The following PCLO variants were observed in gnomAD, a reference collection of about 807,000 sequenced individuals.
The protein encoded by PCLO is protein piccolo.
PCLO carries 82 observed loss-of-function variants against 427.5 expected under a neutral mutation model. The observed-to-expected ratio is 0.19, with a 90% CI of 0.16 to 0.23. PCLO has a LOEUF of 0.23. Among genes scored for constraint, PCLO ranks in the 10% least tolerant of loss-of-function variants. PCLO has a pLI of 1.00. For synonymous variants in PCLO, 2,357 were observed against 2,155.4 expected, an observed-to-expected ratio of 1.09 and a Z score of -2.59; for missense variants, 6,239 against 6,115.9, an observed-to-expected ratio of 1.02 and a Z score of -0.67.
chr7:82,877,308 A>T (rs551906290), intron 10 of PCLO, among the ~76,000 whole-genome samples: 1 of 152,274 alleles, frequency 6.6e-6, no homozygotes, highest in Admixed American at 6.5e-5. Context: ...ACGGTATTTT[A>T]TTTATAAATT....
intron 4 of PCLO, among the ~76,000 whole-genome samples, chr7:82,958,372 C>A (rs1472489938): frequency 6.6e-6 from 1 of 151,262 alleles, no homozygotes; most frequent in African/African-American, 2.4e-5. Context: ...TTTCCTCCCT[C>A]CCTCTCCCCA....
rs145175123 is a variant in PCLO, at chr7:82,765,835, C to T, written c.15008-4342G>A. Among the ~76,000 whole-genome samples the T allele has an allele frequency of 7.1e-3, 1,079 of 151,758 alleles. 9 individuals carry two copies. Among genetic ancestry groups the T allele is most frequent in the African/African-American group, 0.025 (1,022 of 41,386 alleles). On this transcript the variant is annotated intron_variant, in intron 22 of 24. Coordinates refer to ENST00000333891, the MANE Select transcript of PCLO (RefSeq NM_033026.6). The stretch of plus-strand genomic sequence containing the variant: ...AAATAAAGGATCTCTAAAATAAAAA[C>T]GAGAAAATGAATCAGATCTTAAGAT...
intron 6 of PCLO, among the ~76,000 whole-genome samples, chr7:82,932,969 T>C (rs1179684605): frequency 6.6e-6 from 1 of 152,068 alleles, no homozygotes; most frequent in Non-Finnish European, 1.5e-5. Flanking sequence ...GATTTGGTTT[T>C]GTATGTTTTT....
At chr7:82,762,734 T>G in intron 22 of PCLO, among the ~76,000 whole-genome samples, 1 of 152,126 alleles carries the variant, frequency 6.6e-6, no homozygotes, top group East Asian at 1.9e-4. Flanking sequence ...TTTATATTTT[T>G]TCAAATTTCA....
chr7:83,142,321 T>G (rs949477171), intron 2 of PCLO, among the ~76,000 whole-genome samples: 9 of 152,190 alleles, frequency 5.9e-5, no homozygotes, highest in Non-Finnish European at 1.3e-4. Flanking sequence ...GTTGGGCTCT[T>G]ACTTTTAAAC....
Position 83,071,335 on chromosome 7 carries a change from G to GT in PCLO, c.3300+62914dup, listed in dbSNP as rs1235890759. ...AAAGTATTTCTTAAATGTGACAATA[G>GT]TTATATCTTCTTATATGCGGTACTA... is the stretch of plus-strand genomic sequence containing the variant. On this transcript the variant is annotated intron_variant, in intron 3 of 24. Coordinates refer to ENST00000333891, the MANE Select transcript of PCLO (RefSeq NM_033026.6). 8.5e-5 allele frequency among the ~76,000 whole-genome samples: 13 copies of GT among 152,252 alleles called. No individual in the cohort carries two copies. In the East Asian group the frequency reaches 1.9e-3, roughly 23 times the overall value.
chr7:82,796,640 T>C (rs967069499), intron 22 of PCLO, among the ~76,000 whole-genome samples: 1 of 151,784 alleles, frequency 6.6e-6, no homozygotes, highest in South Asian at 2.1e-4. Flanking sequence ...CTGGCTTATA[T>C]ATTTTTATTG....
chr7:82,919,890 C>T (rs931359678), intron 6 of PCLO, among the ~76,000 whole-genome samples: 1 of 151,916 alleles, frequency 6.6e-6, no homozygotes, highest in Non-Finnish European at 1.5e-5. Flanking sequence ...AAGCACTTTG[C>T]TAGGCACACT....
chr7:82,914,297 C>A, intron 7 of PCLO: 2 of 418,412 alleles, frequency 4.8e-6, no homozygotes, highest in Non-Finnish European at 4.2e-6. Flanking sequence ...ATTTCAGAAA[C>A]TGAAACTGAC....
intron 3 of PCLO, among the ~76,000 whole-genome samples, chr7:83,051,208 T>C (rs1405201457): frequency 6.6e-6 from 1 of 152,052 alleles, no homozygotes; most frequent in Non-Finnish European, 1.5e-5. Flanking sequence ...CTAAAATTCT[T>C]AGCTAATGCA....
intron 3 of PCLO, among the ~76,000 whole-genome samples, chr7:83,073,444 T>C (rs979928885): frequency 6.6e-6 from 1 of 151,952 alleles, no homozygotes; most frequent in Non-Finnish European, 1.5e-5. Flanking sequence ...TACTGCCTTG[T>C]AGAGAAGATA....
chr7:83,007,686 G>C (rs1414278246), intron 3 of PCLO, among the ~76,000 whole-genome samples: 3 of 151,490 alleles, frequency 2.0e-5, no homozygotes, highest in African/African-American at 7.3e-5. Context: ...GTAAGAGTGT[G>C]GGTTTGTAGA....
intron 3 of PCLO, among the ~76,000 whole-genome samples, chr7:83,051,850 G>A (rs1284160276): frequency 2.0e-5 from 3 of 152,056 alleles, no homozygotes; most frequent in Non-Finnish European, 4.4e-5. Context: ...TGGCAAGAAA[G>A]ACGACTCATA....
chr7:83,085,024 G>A (rs1790195797), intron 3 of PCLO, among the ~76,000 whole-genome samples: 1 of 151,980 alleles, frequency 6.6e-6, no homozygotes, highest in African/African-American at 2.4e-5. Context: ...GAATAATTTG[G>A]CCTGAAAAGA....
intron 10 of PCLO, 92 bp downstream of exon 10, chr7:82,879,245 C>A: frequency 8.7e-7 from 1 of 1,146,118 alleles, no homozygotes; most frequent in South Asian, 1.8e-5. Flanking sequence ...TTTACCTACA[C>A]AGAGAAGGAT....
chr7:83,099,366 G>A (rs1790676891), intron 3 of PCLO, among the ~76,000 whole-genome samples: 1 of 144,964 alleles, frequency 6.9e-6, no homozygotes, highest in Non-Finnish European at 1.5e-5. Flanking sequence ...AAACAAATAT[G>A]TTTTAACATA....
intron 10 of PCLO, among the ~76,000 whole-genome samples, chr7:82,851,944 T>A (rs1412118310): frequency 6.6e-6 from 1 of 152,132 alleles, no homozygotes; most frequent in East Asian, 1.9e-4. Flanking sequence ...TGGATTTTAT[T>A]TTTTAAATTT....
intron 3 of PCLO, among the ~76,000 whole-genome samples, chr7:83,030,106 T>A (rs1334155112): frequency 2.8e-5 from 3 of 108,080 alleles, no homozygotes; most frequent in African/African-American, 6.6e-5. Context: ...AAACTTAAAG[T>A]ATAATAATAA....
chr7:83,134,756 A>G lies in PCLO; in HGVS notation c.2794T>C (p.Phe932Leu). The change falls in exon 3 of 25, where the codon TTT becomes CTT. Residue 932 changes from phenylalanine to leucine, a missense_variant. By Grantham distance (22) the Phe-to-Leu change is conservative (BLOSUM62 0). This residue lies in a region of PCLO where 4,677 missense variants were observed against 4,468.4 expected (regional missense o/e 1.05). Transcript: ENST00000333891. ...CTGAAGATTGATGCTCCAAACCCAA[A>G]GAGTTTCCCAGTCACGGTCTCTTGA... ...TPQETVTGKL[F>L]GFGASIFSQA... 6.2e-7 allele frequency: 1 copy of G among 1,613,934 alleles called. No individual in the cohort carries two copies.
Sources: gnomAD v4.1 joint callset for allele counts (sites outside exome capture counted in the v4.1 genomes callset) on GRCh38, gnomAD v4.1.1 for gene constraint, gnomAD v4.1.1 regional missense constraint, MANE v1.5 for transcripts, NCBI Gene and HGNC (gene_info 2026-07-23, HGNC 2026-07-21) for gene names.